The following SLMAP variants were observed in gnomAD, a reference collection of about 807,000 sequenced individuals.
SLMAP encodes sarcolemma associated protein.
Under a neutral mutation model 128.8 loss-of-function variants are expected in SLMAP, and 44 were observed. That is an observed-to-expected ratio of 0.34 (90% CI 0.27 to 0.44). The LOEUF (loss-of-function observed/expected upper bound fraction) is 0.44, where lower values mean the gene tolerates loss of function less well. Among genes scored for constraint, SLMAP ranks in the 20% least tolerant of loss-of-function variants. The pLI is 1.00. For missense variants in SLMAP, 787 were observed against 985.3 expected (o/e 0.80, Z 2.69); for synonymous variants, 327 against 348.8 (o/e 0.94, Z 0.70).
At chr3:57,888,293 C>G (rs548503005) in intron 14 of SLMAP, among the ~76,000 whole-genome samples, 5 of 152,206 alleles carry the variant, frequency 3.3e-5, no homozygotes, top group African/African-American at 1.2e-4. Context: ...TTATAGCATA[C>G]TATATGACTC....
At chr3:57,773,860 T>G (rs1438608654) in intron 2 of SLMAP, among the ~76,000 whole-genome samples, 1 of 152,238 alleles carries the variant, frequency 6.6e-6, no homozygotes, top group Non-Finnish European at 1.5e-5. Context: ...ATTATTTTTA[T>G]CTTGGCATAT....
chr3:57,804,300 A>G (rs1234890996), intron 2 of SLMAP, among the ~76,000 whole-genome samples: 1 of 152,176 alleles, frequency 6.6e-6, no homozygotes, highest in Non-Finnish European at 1.5e-5. Flanking sequence ...TTTCGTTGTT[A>G]CATAGGGCTG....
chr3:57,918,094 C>G (rs145703583), intron 22 of SLMAP: 1 of 152,048 alleles, frequency 6.6e-6, no homozygotes, highest in African/African-American at 2.4e-5. Context: ...TATTTTCTTG[C>G]GGACATACTG....
intron 14 of SLMAP, among the ~76,000 whole-genome samples, chr3:57,885,502 C>A (rs545762578): frequency 6.7e-6 from 1 of 148,728 alleles, no homozygotes; most frequent in African/African-American, 2.5e-5. Flanking sequence ...TCACCACAAC[C>A]TCCACCACCC....
intron 21 of SLMAP, among the ~76,000 whole-genome samples, chr3:57,913,835 G>A (rs903261898): frequency 6.6e-6 from 1 of 152,174 alleles, no homozygotes; most frequent in Non-Finnish European, 1.5e-5. Flanking sequence ...ATGTGTGCTT[G>A]TAGTCTTGGC....
chr3:57,867,684 T>C (rs1206231071), intron 13 of SLMAP, among the ~76,000 whole-genome samples: 1 of 152,172 alleles, frequency 6.6e-6, no homozygotes, highest in Non-Finnish European at 1.5e-5. Flanking sequence ...AATGAACCAA[T>C]TTTCAAGTAT....
At chr3:57,803,736 G>A (rs2089157917) in intron 2 of SLMAP, among the ~76,000 whole-genome samples, 1 of 151,922 alleles carries the variant, frequency 6.6e-6, no homozygotes, top group Admixed American at 6.6e-5. Flanking sequence ...TTTCTTTTTG[G>A]GCCAGAGAGC....
intron 13 of SLMAP, among the ~76,000 whole-genome samples, chr3:57,869,943 A>G (rs931602178): frequency 6.6e-6 from 1 of 151,730 alleles, no homozygotes; most frequent in African/African-American, 2.4e-5. Flanking sequence ...ATTTATATAA[A>G]TAAAATGTAT....
chr3:57,909,224 C>T, intron 19 of SLMAP, 74 bp downstream of exon 19: 1 of 1,081,134 alleles, frequency 9.2e-7, no homozygotes, highest in Non-Finnish European at 1.4e-6. Flanking sequence ...GAATGGAGGC[C>T]AGGCGCAGTG....
intron 2 of SLMAP, among the ~76,000 whole-genome samples, chr3:57,781,491 C>A (rs1175864424): frequency 6.6e-6 from 1 of 152,016 alleles, no homozygotes; most frequent in African/African-American, 2.4e-5. Flanking sequence ...TAATAATCTA[C>A]CTTTCTTGTA....
At chr3:57,854,024 TAA>T (rs2094641298) in intron 6 of SLMAP, among the ~76,000 whole-genome samples, 8 of 115,152 alleles carry the variant, frequency 6.9e-5, no homozygotes, top group Non-Finnish European at 1.4e-4. Flanking sequence ...ATATTATATA[TAA>T]TATATAATGT....
chr3:57,847,413 A>G (rs142046483), intron 5 of SLMAP, among the ~76,000 whole-genome samples, 180 bp downstream of exon 5: 1 of 152,226 alleles, frequency 6.6e-6, no homozygotes, highest in African/African-American at 2.4e-5. Flanking sequence ...TCTAAGATGG[A>G]TGTTTCTTCA....
intron 14 of SLMAP, among the ~76,000 whole-genome samples, chr3:57,871,980 G>C (rs1048307784): frequency 2.6e-5 from 4 of 152,164 alleles, no homozygotes; most frequent in Non-Finnish European, 5.9e-5. Context: ...AAATTTCTTA[G>C]AGAAAATGAA....
intron 17 of SLMAP, among the ~76,000 whole-genome samples, chr3:57,903,290 T>TCAC (rs1292908662): frequency 6.6e-6 from 1 of 152,182 alleles, no homozygotes; most frequent in East Asian, 1.9e-4. Flanking sequence ...TCTTCCTGCA[T>TCAC]TGTGAAGGTT....
chr3:57,799,692 A>G (rs1560029395), intron 2 of SLMAP, among the ~76,000 whole-genome samples: 1 of 152,200 alleles, frequency 6.6e-6, no homozygotes, highest in Non-Finnish European at 1.5e-5. Flanking sequence ...GCTCTGGAAC[A>G]TCAGGATGAT....
At chr3:57,853,067 A>C (rs2094565609) in intron 6 of SLMAP, among the ~76,000 whole-genome samples, 1 of 152,216 alleles carries the variant, frequency 6.6e-6, no homozygotes. Context: ...CTCTAAATGG[A>C]ATTGAATTAA....
intron 21 of SLMAP, among the ~76,000 whole-genome samples, chr3:57,913,755 A>G (rs924391818): frequency 2.0e-5 from 3 of 151,954 alleles, no homozygotes; most frequent in African/African-American, 7.3e-5. Flanking sequence ...CTGAGAGTCC[A>G]AGATCAGCCT....
At chr3:57,886,384 C>T (rs1395668820) in intron 14 of SLMAP, among the ~76,000 whole-genome samples, 1 of 152,144 alleles carries the variant, frequency 6.6e-6, no homozygotes, top group African/African-American at 2.4e-5. Flanking sequence ...CAGGCATGAG[C>T]CACTGCACCC....
At chr3:57,861,087 C>T (rs1208023005) in intron 9 of SLMAP, among the ~76,000 whole-genome samples, 2 of 152,046 alleles carry the variant, frequency 1.3e-5, no homozygotes, top group African/African-American at 4.8e-5. Flanking sequence ...TTGCATTCTG[C>T]TTAGGATTCA....
Sources: gnomAD v4.1 joint callset for allele counts (sites outside exome capture counted in the v4.1 genomes callset) on GRCh38, gnomAD v4.1.1 for gene constraint, MANE v1.5 for transcripts, NCBI Gene and HGNC (gene_info 2026-07-23, HGNC 2026-07-21) for gene names.